ABLIM1: variants seen among roughly 807,000 people sequenced by gnomAD.
ABLIM1 encodes actin-binding LIM protein 1.
ABLIM1 carries 40 observed loss-of-function variants against 107.0 expected under a neutral mutation model. The ratio of observed to expected loss-of-function variants is 0.37; its 90% confidence interval spans 0.29 to 0.49. The LOEUF (loss-of-function observed/expected upper bound fraction) is 0.49. ABLIM1 is among the 20% of genes least tolerant of loss of function. The pLI, the probability that ABLIM1 is intolerant of heterozygous loss-of-function variation, is 0.97. For synonymous variants in ABLIM1, 357 were observed against 357.3 expected, an observed-to-expected ratio of 1.00 and a Z score of 0.01; for missense variants, 857 against 1,008.5, an observed-to-expected ratio of 0.85 and a Z score of 2.04.
At chr10:114,551,676 T>C (rs976404336) in intron 4 of ABLIM1, among the ~76,000 whole-genome samples, 6 of 152,240 alleles carry the variant, frequency 3.9e-5, no homozygotes, top group African/African-American at 1.2e-4. Context: ...AGAAGTCAAC[T>C]TCAGATTCGC....
At chr10:114,771,181 T>C (rs1303114970), upstream of ABLIM1, among the ~76,000 whole-genome samples, 1 of 152,220 alleles carries the variant, frequency 6.6e-6, no homozygotes, top group Non-Finnish European at 1.5e-5. Context: ...ACAATAGTTC[T>C]GGTTCTTATA....
chr10:114,689,364 G>GTT (rs35878862), upstream of ABLIM1, among the ~76,000 whole-genome samples: 40,704 of 132,404 alleles, frequency 0.31, 7,265 homozygotes, highest in South Asian at 0.42. Context: ...TTGTATATTG[G>GTT]TTTTTTTTTT....
At chr10:114,635,766 C>A (rs138223198) in intron 1 of ABLIM1, among the ~76,000 whole-genome samples, 1,538 of 152,342 alleles carry the variant, frequency 0.01, 22 homozygotes, top group African/African-American at 0.034. Context: ...AGGTGATCTG[C>A]CTGCCTTGGC....
chr10:114,784,240 A>G, the ABLIM1 span, among the ~76,000 whole-genome samples: 3 of 151,780 alleles, frequency 2.0e-5, no homozygotes, highest in Admixed American at 2.0e-4. Flanking sequence ...CAGCTACTCC[A>G]GAGGCTGAGG....
chr10:114,675,704 C>T (rs1210615084), intron 1 of ABLIM1, among the ~76,000 whole-genome samples: 1 of 152,214 alleles, frequency 6.6e-6, no homozygotes, highest in Non-Finnish European at 1.5e-5. Flanking sequence ...TCTGGGGCTT[C>T]TATTACAAAG....
chr10:114,473,892 C>G lies in ABLIM1; in HGVS notation c.1106G>C (p.Gly369Ala). Residue 369 changes from glycine to alanine, a missense_variant, in exon 9 of 23, where the codon GGT (glycine) becomes GCT (alanine). Gly to Ala is a moderately conservative substitution (Grantham distance 60). This residue lies in a region of ABLIM1 where 381 missense variants were observed against 506.9 expected (regional missense o/e 0.75). Coordinates refer to ENST00000533213, the MANE Select transcript of ABLIM1 (RefSeq NM_002313.7). ...GTAGATACTTACATAGATAGTATGA[C>G]CTGGTGAGCCAGGAATACTGGAGCC... ...RPGSSIPGSP[G>A]HTIYAKVDNE... 2 of 1,612,568 alleles carry G rather than the reference C, an allele frequency of 1.2e-6. No homozygotes were observed. Among genetic ancestry groups the G allele is most frequent in the Non-Finnish European group, 1.7e-6 (2 of 1,178,714 alleles).
chr10:114,654,141 A>C (rs1009185229), intron 1 of ABLIM1, among the ~76,000 whole-genome samples: 2 of 152,216 alleles, frequency 1.3e-5, no homozygotes, highest in Non-Finnish European at 2.9e-5. Context: ...AGGAGGGCGC[A>C]CTTCCTCCAA....
intron 1 of ABLIM1, among the ~76,000 whole-genome samples, chr10:114,704,636 G>A (rs1175392096): frequency 6.6e-6 from 1 of 150,920 alleles, no homozygotes; most frequent in African/African-American, 2.4e-5. Flanking sequence ...TTCTAAGGGG[G>A]GTGGGGGTGG....
At chr10:114,437,675 C>G (rs938854850) in intron 22 of ABLIM1, among the ~76,000 whole-genome samples, 169 bp downstream of exon 22, 3 of 152,128 alleles carry the variant, frequency 2.0e-5, no homozygotes, top group African/African-American at 7.2e-5. Context: ...AAGTGAAAAC[C>G]TGGATATTTT....
At chr10:114,511,650 C>T (rs925526829) in intron 6 of ABLIM1, among the ~76,000 whole-genome samples, 3 of 152,062 alleles carry the variant, frequency 2.0e-5, no homozygotes, top group African/African-American at 7.3e-5. Context: ...CAGGCGTGAG[C>T]CACCACACCT....
At chr10:114,706,475 GAAAC>G (rs1378077151) in intron 1 of ABLIM1, among the ~76,000 whole-genome samples, 1 of 152,162 alleles carries the variant, frequency 6.6e-6, no homozygotes, top group African/African-American at 2.4e-5. Context: ...TTGACCCTGA[GAAAC>G]AAATTAATGC....
At chr10:114,787,857 T>G in the ABLIM1 span, among the ~76,000 whole-genome samples, 1 of 147,956 alleles carries the variant, frequency 6.8e-6, no homozygotes, top group Non-Finnish European at 1.5e-5. Flanking sequence ...GAACGGGCCA[T>G]GATGACAATG....
intron 2 of ABLIM1, among the ~76,000 whole-genome samples, chr10:114,600,415 C>T (rs936665196): frequency 3.9e-5 from 6 of 152,304 alleles, no homozygotes; most frequent in African/African-American, 1.4e-4. Flanking sequence ...ACTCCTTCCA[C>T]CTTCTTACCC....
chr10:114,607,250 C>T (rs1236609300), intron 1 of ABLIM1, among the ~76,000 whole-genome samples: 3 of 152,080 alleles, frequency 2.0e-5, no homozygotes, highest in Non-Finnish European at 4.4e-5. Flanking sequence ...TTAGTGGAGA[C>T]GGGGTTTCAC....
chr10:114,475,000 T>C (rs2056078409), intron 8 of ABLIM1, among the ~76,000 whole-genome samples: 1 of 152,190 alleles, frequency 6.6e-6, no homozygotes, highest in African/African-American at 2.4e-5. Context: ...TCCCCAGCCA[T>C]GTGGAACTGG....
intron 1 of ABLIM1, among the ~76,000 whole-genome samples, chr10:114,644,338 T>TACA (rs551734527): frequency 2.9e-4 from 37 of 129,616 alleles, no homozygotes; most frequent in African/African-American, 1.1e-3. Context: ...TATGTGTATA[T>TACA]ATTGTATATA....
At chr10:114,549,942 G>T (rs2067842338) in intron 4 of ABLIM1, among the ~76,000 whole-genome samples, 1 of 152,182 alleles carries the variant, frequency 6.6e-6, no homozygotes, top group Admixed American at 6.5e-5. Context: ...AACATTTCTG[G>T]GGGAAAACAT....
chr10:114,626,212 A>G (rs2077785610), intron 1 of ABLIM1, among the ~76,000 whole-genome samples: 1 of 152,146 alleles, frequency 6.6e-6, no homozygotes, highest in Non-Finnish European at 1.5e-5. Flanking sequence ...AGGAGCTGCC[A>G]AGAACAAGGC....
chr10:114,592,333 C>T (rs1002337836), intron 2 of ABLIM1, among the ~76,000 whole-genome samples: 1 of 151,998 alleles, frequency 6.6e-6, no homozygotes, highest in African/African-American at 2.4e-5. Flanking sequence ...TGCAAAGGTC[C>T]TGAGGCTATT....
Sources: allele counts gnomAD v4.1 joint callset (sites outside exome capture counted in the v4.1 genomes callset), GRCh38; gene constraint gnomAD v4.1.1; regional missense constraint gnomAD v4.1.1; transcripts MANE v1.5; gene names NCBI Gene and HGNC (gene_info 2026-07-23, HGNC 2026-07-21).